The following TTC6 variants were observed in gnomAD, a reference collection of about 807,000 sequenced individuals.
TTC6 encodes the protein tetratricopeptide repeat protein 6.
A neutral mutation model predicts 210.4 loss-of-function variants in TTC6; 172 were observed. The observed-to-expected ratio is 0.82, with a 90% confidence interval of 0.72 to 0.93. The LOEUF is 0.93. Among genes scored for constraint, TTC6 ranks in the 40% least tolerant of loss-of-function variants. The pLI is 0.00. For missense variants in TTC6, 2,414 were observed against 2,318.1 expected, an observed-to-expected ratio of 1.04 and a Z score of -0.85; for synonymous variants, 804 against 819.6, an observed-to-expected ratio of 0.98 and a Z score of 0.32.
chr14:37,751,237 C>T lies in TTC6; in HGVS notation c.3129+12C>T. On this transcript the variant is annotated intron_variant, in intron 13 of 30. Coordinates refer to ENST00000553443, the Ensembl canonical transcript of TTC6. Reference sequence around the variant, plus strand: ...ATGACTTTTCGAAAGTAAGCTTTATCACATATAATTCTACCATTTATATAG... The same window carrying T: ...ATGACTTTTCGAAAGTAAGCTTTATTACATATAATTCTACCATTTATATAG... 1 of 1,513,078 alleles carries T rather than the reference C, an allele frequency of 6.6e-7. No individual in the cohort carries two copies. Among genetic ancestry groups the T allele is most frequent in the African/African-American group, 1.4e-5 (1 of 72,460 alleles). The allele number at this position is 1,513,078 out of a possible 1,614,324, so 93.7% of individuals were successfully genotyped here.
chr14:37,610,671 G>C (rs749212214), intron 2 of TTC6, among the ~76,000 whole-genome samples: 1 of 152,160 alleles, frequency 6.6e-6, no homozygotes, highest in Admixed American at 6.5e-5. Flanking sequence ...CCCGACTGCC[G>C]TAGTACTGCC....
chr14:37,836,115 C>T (rs887093828), intron 29 of TTC6, among the ~76,000 whole-genome samples: 2 of 152,196 alleles, frequency 1.3e-5, no homozygotes, highest in African/African-American at 4.8e-5. Flanking sequence ...TTATCCTCAG[C>T]CGAGCTTTCT....
intron 1 of TTC6, among the ~76,000 whole-genome samples, chr14:37,624,299 A>G (rs177831): frequency 0.21 from 31,367 of 152,172 alleles, 3,506 homozygotes; most frequent in South Asian, 0.26. Context: ...TAGATTTTCT[A>G]TGAATCTAAT....
At chr14:37,612,041 A>G (rs2095635629) in intron 2 of TTC6, among the ~76,000 whole-genome samples, 1 of 151,990 alleles carries the variant, frequency 6.6e-6, no homozygotes, top group South Asian at 2.1e-4. Flanking sequence ...TGCTTTTTTC[A>G]TATCTACAAC....
exon 11 of TTC6, chr14:37,749,126 A>C: frequency 6.5e-7 from 1 of 1,535,742 alleles, no homozygotes; most frequent in Non-Finnish European, 8.7e-7. Flanking sequence ...CATTGAGTAC[A>C]AAGATGCGAG....
At chr14:37,751,321 T>C (rs759234702) in intron 13 of TTC6, 96 bp downstream of exon 15, 25 of 792,384 alleles carry the variant, frequency 3.2e-5, no homozygotes, top group Non-Finnish European at 3.9e-5. Context: ...TCTTTTTGTA[T>C]ATATTATATA....
intron 7 of TTC6, among the ~76,000 whole-genome samples, chr14:37,734,689 T>C (rs1040415774): frequency 1.3e-5 from 2 of 152,162 alleles, no homozygotes; most frequent in African/African-American, 4.8e-5. Flanking sequence ...ACAATATCTT[T>C]GGGGTAGAGT....
chr14:37,652,308 G>A (rs892812404), intron 1 of TTC6, among the ~76,000 whole-genome samples: 12 of 152,114 alleles, frequency 7.9e-5, no homozygotes, highest in African/African-American at 2.9e-4. Flanking sequence ...GTGAACACCC[G>A]ATCAGAGAAT....
At chr14:37,603,102 C>CAG (rs923322833) in intron 1 of TTC6, among the ~76,000 whole-genome samples, 7 of 152,094 alleles carry the variant, frequency 4.6e-5, no homozygotes, top group Non-Finnish European at 7.3e-5. Flanking sequence ...CAAGAGATGA[C>CAG]AGAGAGAGAG....
chr14:37,651,947 C>T (rs140222057), intron 1 of TTC6, among the ~76,000 whole-genome samples: 1 of 152,216 alleles, frequency 6.6e-6, no homozygotes, highest in Non-Finnish European at 1.5e-5. Flanking sequence ...ACTGGGCTGC[C>T]ATTAGAGGGT....
At chr14:37,616,153 G>A (rs533680803) in intron 2 of TTC6, among the ~76,000 whole-genome samples, 44 of 152,238 alleles carry the variant, frequency 2.9e-4, no homozygotes, top group Non-Finnish European at 2.2e-4. Flanking sequence ...CTGCATATAC[G>A]TGAATCAAAG....
chr14:37,730,888 A>G (rs1047926961), intron 7 of TTC6, among the ~76,000 whole-genome samples: 4 of 152,190 alleles, frequency 2.6e-5, no homozygotes, highest in African/African-American at 4.8e-5. Flanking sequence ...TTTTCCATTC[A>G]TTCATCAGAT....
intron 26 of TTC6, among the ~76,000 whole-genome samples, chr14:37,823,244 C>G (rs1163260367): frequency 6.6e-6 from 1 of 152,106 alleles, no homozygotes; most frequent in Non-Finnish European, 1.5e-5. Context: ...CCCCTCCTCT[C>G]CTGGTGTCCA....
chr14:37,627,905 C>G (rs2095663094), intron 1 of TTC6, among the ~76,000 whole-genome samples: 1 of 152,104 alleles, frequency 6.6e-6, no homozygotes, highest in South Asian at 2.1e-4. Flanking sequence ...ATTTACACAC[C>G]CACCAACAGT....
At chr14:37,760,645 C>T (rs2095981461) in intron 14 of TTC6, among the ~76,000 whole-genome samples, 1 of 152,164 alleles carries the variant, frequency 6.6e-6, no homozygotes. Flanking sequence ...TGCTCTGTCC[C>T]AGGGAGATGG....
At chr14:37,784,110 G>T (rs1290412177) in intron 14 of TTC6, among the ~76,000 whole-genome samples, 2 of 152,196 alleles carry the variant, frequency 1.3e-5, no homozygotes, top group East Asian at 3.8e-4. Context: ...ATATTCTGTT[G>T]ATTTGGGGTG....
In TTC6 at chr14:37,740,162, C is replaced by CAAA. The variant is rs71127237; in HGVS notation, c.2363+1020_2363+1022dup. ...TGGGCGACAGAGCGAGACTCCGTCT[C>CAAA]AAAAAAAAAAAAAAAGTAAATAATT... On this transcript the variant is annotated intron_variant, in intron 10 of 30. Coordinates refer to ENST00000553443, the Ensembl canonical transcript of TTC6. 2.3e-3 allele frequency among the ~76,000 whole-genome samples: 295 copies of CAAA among 129,292 alleles called. 5 individuals carry two copies. Among genetic ancestry groups the CAAA allele is most frequent in the South Asian group, 0.017 (67 of 3,894 alleles). The allele number at this position is 129,292 out of a possible 152,430, so 84.8% of individuals were successfully genotyped here. A position where few individuals can be genotyped will look rare whatever the true frequency, so the allele number is the denominator to read the frequency against.
At chr14:37,622,435 G>A in exon 1 of TTC6, 1 of 1,535,084 alleles carries the variant, frequency 6.5e-7, no homozygotes, top group Non-Finnish European at 8.7e-7. Context: ...TACTTGCGGA[G>A]CTCCGCGTTC....
intron 25 of TTC6, among the ~76,000 whole-genome samples, chr14:37,813,627 A>G (rs984613629): frequency 6.6e-6 from 1 of 152,228 alleles, no homozygotes; most frequent in African/African-American, 2.4e-5. Flanking sequence ...GAGGTTAAAT[A>G]AGGTCTTTCC....
Sources: gnomAD v4.1 joint callset for allele counts (sites outside exome capture counted in the v4.1 genomes callset) on GRCh38, gnomAD v4.1.1 for gene constraint, MANE v1.5 for transcripts, NCBI Gene and HGNC (gene_info 2026-07-23, HGNC 2026-07-21) for gene names.